ZNF735: variants seen among roughly 807,000 people sequenced by gnomAD.
ZNF735 encodes zinc finger protein 735.
ZNF735 carries 11 observed loss-of-function variants against 13.4 expected under a neutral mutation model. That is an observed-to-expected ratio of 0.82 (90% CI 0.52 to 1.36). The LOEUF is 1.36. Ranked by LOEUF, ZNF735 falls within the 40% of genes most tolerant of loss-of-function variation. The pLI is 0.00. For synonymous variants in ZNF735, 171 were observed against 162.6 expected, an observed-to-expected ratio of 1.05 and a Z score of -0.39; for missense variants, 500 against 484.6, an observed-to-expected ratio of 1.03 and a Z score of -0.30.
exon 4 of ZNF735, chr7:64,219,513 C>T (rs1484123302): frequency 6.2e-7 from 1 of 1,607,056 alleles, no homozygotes; most frequent in Non-Finnish European, 8.5e-7. Context: ...ATACCCAAAA[C>T]AAAATATTTC....
In ZNF735 at chr7:64,212,477, G is replaced by C. The variant is rs565237469; in HGVS notation, c.40-615G>C. Among the ~76,000 whole-genome samples, 25 of 152,288 alleles carry C rather than the reference G, an allele frequency of 1.6e-4. No individual in the cohort carries two copies. The South Asian group carries it at 5.2e-3, about 32-fold the overall frequency. On this transcript the variant is annotated intron_variant, in intron 1 of 3. Coordinates refer to ENST00000429565, the Ensembl canonical transcript of ZNF735. ...GAAATATACACAGCTTATTCTGTATGATGTAAATATAGCACTGAAAAATAG... is the reference window on the plus strand; with the variant it reads ...GAAATATACACAGCTTATTCTGTATCATGTAAATATAGCACTGAAAAATAG...
chr7:64,213,307 A>G, intron 2 of ZNF735, 89 bp downstream of exon 2: 1 of 1,311,490 alleles, frequency 7.6e-7, no homozygotes, highest in Non-Finnish European at 1.0e-6. Context: ...TGCATGAATG[A>G]ATTTTAGCTC....
rs573161400 is a variant in ZNF735 at position 64,208,382 on chromosome 7, G to A, written c.39+1141G>A. Among the ~76,000 whole-genome samples, 6 of 146,102 alleles carry A rather than the reference G, an allele frequency of 4.1e-5. 1 individual carries two copies. The East Asian group carries it at 8.4e-4, about 20-fold the overall frequency. On this transcript the variant is annotated intron_variant, in intron 1 of 3. Transcript: ENST00000429565. ...AATGATTGTCCTGCCTCAGCCTCCC[G>A]AGTAGCTGGAATTACAGGTGTAGGC...
intron 3 of ZNF735, among the ~76,000 whole-genome samples, chr7:64,218,192 T>C (rs1399887953): frequency 6.6e-6 from 1 of 152,126 alleles, no homozygotes; most frequent in Non-Finnish European, 1.5e-5. Flanking sequence ...TTTTTGCTGG[T>C]TATATTTTCA....
At chr7:64,216,298 A>C (rs1217900599) in intron 3 of ZNF735, among the ~76,000 whole-genome samples, 1 of 151,842 alleles carries the variant, frequency 6.6e-6, no homozygotes, top group Non-Finnish European at 1.5e-5. Flanking sequence ...TCCATCTCAA[A>C]AAAAAAAAAA....
intron 1 of ZNF735, among the ~76,000 whole-genome samples, chr7:64,212,055 CTA>C (rs1787367106): frequency 1.3e-5 from 2 of 152,020 alleles, no homozygotes; most frequent in Admixed American, 1.3e-4. Flanking sequence ...TTCAAGATCT[CTA>C]TGACATTTTT....
intron 3 of ZNF735, 36 bp from the exon 4 acceptor site, chr7:64,219,278 G>A (rs1449932907): frequency 5.6e-6 from 9 of 1,595,086 alleles, no homozygotes; most frequent in Non-Finnish European, 7.7e-6. Context: ...TCTGAGTCTA[G>A]TAAGTGGAGT....
intron 3 of ZNF735, among the ~76,000 whole-genome samples, chr7:64,214,641 T>C (rs117513924): frequency 0.017 from 2,523 of 152,144 alleles, 61 homozygotes; most frequent in South Asian, 0.11. Context: ...TACGTATTTA[T>C]TTATTTAAAG....
At chr7:64,216,905 TG>T (rs1447398347) in intron 3 of ZNF735, among the ~76,000 whole-genome samples, 1 of 152,198 alleles carries the variant, frequency 6.6e-6, no homozygotes, top group African/African-American at 2.4e-5. Flanking sequence ...TGCACCTGGC[TG>T]ATCTTTTTAA....
At chr7:64,219,460 G>A in exon 4 of ZNF735, 1 of 1,613,806 alleles carries the variant, frequency 6.2e-7, no homozygotes, top group South Asian at 1.1e-5. Context: ...TGAGTGTGAG[G>A]TGCACAAAGG....
exon 4 of ZNF735, chr7:64,219,891 C>G (rs1787469514): frequency 6.2e-7 from 1 of 1,612,688 alleles, no homozygotes; most frequent in Admixed American, 1.7e-5. Context: ...CCTTTAGGCG[C>G]TCCTCAACAC....
At chr7:64,207,996 A>AG (rs908496623) in intron 1 of ZNF735, among the ~76,000 whole-genome samples, 4 of 151,834 alleles carry the variant, frequency 2.6e-5, no homozygotes, top group Non-Finnish European at 4.4e-5. Context: ...CAAAAAAAAA[A>AG]AGAAGAACCA....
At chr7:64,209,561 G>A (rs1316419854) in intron 1 of ZNF735, among the ~76,000 whole-genome samples, 2 of 151,756 alleles carry the variant, frequency 1.3e-5, no homozygotes, top group South Asian at 2.1e-4. Context: ...TCCTGACCTC[G>A]TGATTTGCCC....
At position 64,209,571 on chromosome 7, in the gene ZNF735, C is replaced by T. The variant is rs140797909; in HGVS notation, c.39+2330C>T. Among the ~76,000 whole-genome samples, 509 of 151,752 alleles carry T rather than the reference C, an allele frequency of 3.4e-3. 4 individuals carry two copies. Among genetic ancestry groups the T allele is most frequent in the African/African-American group, 0.011 (449 of 41,438 alleles). On this transcript the variant is annotated intron_variant, in intron 1 of 3. Coordinates refer to ENST00000429565, the Ensembl canonical transcript of ZNF735. The stretch of plus-strand genomic sequence containing the variant: ...CAAACTCCTGACCTCGTGATTTGCC[C>T]GCCTTGGCCTCTGAAAGTGCTGGGA...
At chr7:64,209,383 T>TTCGC (rs1787331305) in intron 1 of ZNF735, among the ~76,000 whole-genome samples, 1 of 151,880 alleles carries the variant, frequency 6.6e-6, no homozygotes, top group African/African-American at 2.4e-5. Flanking sequence ...GAGCTTCGCT[T>TTCGC]TCGCCCAGGC....
intron 1 of ZNF735, among the ~76,000 whole-genome samples, chr7:64,212,771 A>C (rs1220253215): frequency 1.3e-5 from 2 of 151,156 alleles, no homozygotes; most frequent in East Asian, 3.9e-4. Context: ...AGTCTGGGCA[A>C]CAGAGTGAGA....
chr7:64,213,103 A>G (rs117854459), exon 2 of ZNF735: 53,529 of 1,611,656 alleles, frequency 0.033, 1,265 homozygotes, highest in Admixed American at 0.1. Flanking sequence ...GACTGTTGAC[A>G]TTCAGAGACA....
exon 4 of ZNF735, chr7:64,219,601 C>T: frequency 1.9e-6 from 3 of 1,575,564 alleles, no homozygotes; most frequent in Non-Finnish European, 2.6e-6. Flanking sequence ...TGGAAAGAAA[C>T]ATTTGAAATG....
chr7:64,208,712 C>G (rs76608876), intron 1 of ZNF735, among the ~76,000 whole-genome samples: 1 of 152,244 alleles, frequency 6.6e-6, no homozygotes, highest in Non-Finnish European at 1.5e-5. Flanking sequence ...TGATTTTCTT[C>G]GTCTTCTGAC....
Sources: allele counts gnomAD v4.1 joint callset (sites outside exome capture counted in the v4.1 genomes callset), GRCh38; gene constraint gnomAD v4.1.1; transcripts MANE v1.5; gene names NCBI Gene and HGNC (gene_info 2026-07-23, HGNC 2026-07-21).